Variants in RYR2 observed in about 807,000 individuals in gnomAD.
RYR2 encodes cardiac muscle ryanodine receptor-calcium release channel.
Under a neutral mutation model 601.1 loss-of-function variants are expected in RYR2, and 227 were observed. The observed-to-expected ratio is 0.38, with a 90% confidence interval of 0.34 to 0.42. The LOEUF (loss-of-function observed/expected upper bound fraction) is 0.42, where lower values mean the gene tolerates loss of function less well. Ranked by LOEUF, RYR2 falls within the 10% of genes least tolerant of loss-of-function variation. The pLI, the probability that RYR2 is intolerant of heterozygous loss-of-function variation, is 1.00. For synonymous variants in RYR2, 2,223 were observed against 2,175.1 expected (o/e 1.02, Z -0.61); for missense variants, 4,646 against 6,156.5 (o/e 0.75, Z 8.21).
intron 2 of RYR2, among the ~76,000 whole-genome samples, chr1:237,302,550 AG>A (rs1178947154): frequency 1.3e-5 from 2 of 152,190 alleles, no homozygotes; most frequent in African/African-American, 4.8e-5. Flanking sequence ...TGAATTATAC[AG>A]GATATTCCTC....
chr1:237,710,704 T>TAGATAGATAGATAGAG (rs974932333), intron 70 of RYR2, among the ~76,000 whole-genome samples: 1 of 151,836 alleles, frequency 6.6e-6, no homozygotes, highest in African/African-American at 2.4e-5. Flanking sequence ...GGTATGTAGA[T>TAGATAGATAGATAGAG]AGATAGATAG....
At position 237,165,620 on chromosome 1, in the gene RYR2, T is replaced by C. The variant is rs189839469; in HGVS notation, c.49-104877T>C. Among the ~76,000 whole-genome samples, 430 of 152,272 alleles carry C rather than the reference T, an allele frequency of 2.8e-3. 3 individuals carry two copies. Among genetic ancestry groups the C allele is most frequent in the Non-Finnish European group, 2.7e-3 (181 of 68,012 alleles). Reference sequence around the variant, plus strand: ...GGCTCACACCTGTTATCCCAGCACTTTGGGAGGCCAAAGTAGAAGGACGGG... The same window carrying C: ...GGCTCACACCTGTTATCCCAGCACTCTGGGAGGCCAAAGTAGAAGGACGGG... On this transcript the variant is annotated intron_variant, in intron 1 of 104. Transcript: ENST00000366574.
chr1:237,683,814 G>A (rs1041127124), intron 62 of RYR2, among the ~76,000 whole-genome samples: 1 of 152,172 alleles, frequency 6.6e-6, no homozygotes, highest in Non-Finnish European at 1.5e-5. Flanking sequence ...TGGGAGAGTT[G>A]GGAGGCCATG....
At chr1:237,653,815 T>G (rs2148815461) in intron 51 of RYR2, among the ~76,000 whole-genome samples, 1 of 152,028 alleles carries the variant, frequency 6.6e-6, no homozygotes, top group South Asian at 2.1e-4. Flanking sequence ...AATCCAAGAG[T>G]CCAGAAGCTG....
chr1:237,494,962 T>G (rs1663886613), intron 19 of RYR2, among the ~76,000 whole-genome samples: 2 of 152,112 alleles, frequency 1.3e-5, no homozygotes, highest in African/African-American at 4.8e-5. Flanking sequence ...AGCTAATTTT[T>G]GTATTTTTAG....
chr1:237,505,868 C>T (rs1665169445), intron 22 of RYR2, among the ~76,000 whole-genome samples: 1 of 152,124 alleles, frequency 6.6e-6, no homozygotes, highest in Non-Finnish European at 1.5e-5. Context: ...TCAATTTCTT[C>T]CTTTTAATGG....
chr1:237,651,923 G>C (rs1682793200), intron 51 of RYR2, among the ~76,000 whole-genome samples: 1 of 152,120 alleles, frequency 6.6e-6, no homozygotes, highest in African/African-American at 2.4e-5. Context: ...TGTAGGCCCA[G>C]TTACGTGGAA....
intron 27 of RYR2, among the ~76,000 whole-genome samples, chr1:237,553,778 A>T (rs556780791): frequency 1.3e-5 from 2 of 151,820 alleles, no homozygotes; most frequent in South Asian, 4.2e-4. Context: ...TATATTTTTG[A>T]TACTATTAAA....
intron 49 of RYR2, among the ~76,000 whole-genome samples, chr1:237,649,295 C>T (rs947867875): frequency 2.4e-4 from 36 of 152,140 alleles, no homozygotes; most frequent in African/African-American, 8.4e-4. Context: ...CCGACAGTAG[C>T]CCCTTCATGA....
intron 1 of RYR2, among the ~76,000 whole-genome samples, chr1:237,058,637 C>T (rs79568824): frequency 0.041 from 6,310 of 152,188 alleles, 143 homozygotes; most frequent in African/African-American, 0.071. Flanking sequence ...TCCTTGGAGG[C>T]GGGGCGTGGT....
chr1:237,570,898 G>A (rs1309820437), intron 29 of RYR2, among the ~76,000 whole-genome samples: 1 of 152,128 alleles, frequency 6.6e-6, no homozygotes, highest in Admixed American at 6.5e-5. Context: ...GGAAGCTAAG[G>A]CGGAGGATAG....
chr1:237,264,190 G>A (rs1187250049), intron 1 of RYR2, among the ~76,000 whole-genome samples: 6 of 150,992 alleles, frequency 4.0e-5, no homozygotes, highest in South Asian at 2.1e-4. Context: ...TTCCACTGTC[G>A]CCACCCCTGC....
At chr1:237,322,681 A>T (rs539951367) in intron 2 of RYR2, among the ~76,000 whole-genome samples, 2 of 152,126 alleles carry the variant, frequency 1.3e-5, no homozygotes, top group African/African-American at 4.8e-5. Flanking sequence ...CAAAGCTGAG[A>T]TATTACTGCA....
chr1:237,819,224 A>G lies in RYR2; in HGVS notation c.14590+32A>G, dbSNP rs147005205. The G allele has an allele frequency of 8.2e-6, 13 of 1,592,342 alleles. 1 individual carries two copies. The East Asian group carries it at 2.9e-4, about 36-fold the overall frequency. On this transcript the variant is annotated intron_variant, in intron 101 of 104. Transcript: ENST00000366574. This position sits in a 1 kb window ranked among gnomAD's most constrained non-coding sequence, Gnocchi z 4.0. ...ATCCTCCTCACTGAAGCTGATGAAC[A>G]TCTAGAATTTGAGCCACATGTTGCT...
chr1:237,421,068 G>A (rs1392329990), intron 11 of RYR2, among the ~76,000 whole-genome samples: 3 of 152,186 alleles, frequency 2.0e-5, no homozygotes, highest in African/African-American at 7.2e-5. Context: ...ATGAAACCCC[G>A]TCTCTACTGA....
chr1:237,283,871 T>C (rs1691159600), intron 2 of RYR2, among the ~76,000 whole-genome samples: 1 of 152,234 alleles, frequency 6.6e-6, no homozygotes, highest in Non-Finnish European at 1.5e-5. Context: ...AGTTCTTTAG[T>C]GGTGATTTGT....
chr1:237,062,369 T>C (rs1234836763), intron 1 of RYR2, among the ~76,000 whole-genome samples: 1 of 152,206 alleles, frequency 6.6e-6, no homozygotes, highest in East Asian at 1.9e-4. Flanking sequence ...TCTATGAACA[T>C]GGTATATCTT....
rs2149419516 is a variant in RYR2, at chr1:237,801,867, T to C, written c.14102T>C (p.Ile4701Thr). The C allele has an allele frequency of 1.9e-6, 3 of 1,594,480 alleles. No homozygotes were observed. Among genetic ancestry groups the C allele is most frequent in the South Asian group, 1.1e-5 (1 of 89,806 alleles). Residue 4701 changes from isoleucine (I) to threonine (T), a missense_variant, in exon 98 of 105, where the codon ATT becomes ACT. Around this residue, in one of 17 missense-constraint regions of RYR2, gnomAD observed 76 missense variants for 97.4 expected, o/e 0.78. Coordinates refer to ENST00000366574, the MANE Select transcript of RYR2 (RefSeq NM_001035.3). ...TTTTGTCATTGCAGACTGAACTCCA[T>C]TGATGTGAAGTATCAGATGTGGAAA... is the stretch of plus-strand genomic sequence containing the variant. ...DSSLSAVLNS[I>T]DVKYQMWKLG...
intron 79 of RYR2, among the ~76,000 whole-genome samples, chr1:237,740,313 G>C (rs962355903): frequency 6.6e-6 from 1 of 152,118 alleles, no homozygotes; most frequent in Non-Finnish European, 1.5e-5. Context: ...TATAGGTTTG[G>C]TGAATTTGTC....
Sources: allele counts gnomAD v4.1 joint callset (sites outside exome capture counted in the v4.1 genomes callset), GRCh38; gene constraint gnomAD v4.1.1; regional missense constraint gnomAD v4.1.1; non-coding constraint Gnocchi (gnomAD v3.1); transcripts MANE v1.5; gene names NCBI Gene and HGNC (gene_info 2026-07-23, HGNC 2026-07-21).